EYS: variants seen among roughly 807,000 people sequenced by gnomAD.
EYS encodes protein eyes shut homolog.
A neutral mutation model predicts 282.1 loss-of-function variants in EYS; 250 were observed. The observed-to-expected ratio is 0.89, with a 90% CI of 0.80 to 0.98. The LOEUF (loss-of-function observed/expected upper bound fraction) is 0.98. EYS is among the 50% of genes least tolerant of loss of function. EYS has a pLI of 0.00. For missense variants in EYS, 4,016 were observed against 3,709.0 expected, an observed-to-expected ratio of 1.08 and a Z score of -2.15; for synonymous variants, 1,355 against 1,282.9, an observed-to-expected ratio of 1.06 and a Z score of -1.20.
At chr6:65,336,311 T>A (rs1769987818) in intron 10 of EYS, among the ~76,000 whole-genome samples, 1 of 151,740 alleles carries the variant, frequency 6.6e-6, no homozygotes, top group Non-Finnish European at 1.5e-5. Context: ...AATTTCAAGC[T>A]TTCATTTATT....
intron 12 of EYS, among the ~76,000 whole-genome samples, chr6:65,177,414 T>G (rs1765252551): frequency 6.6e-6 from 1 of 151,892 alleles, no homozygotes; most frequent in African/African-American, 2.4e-5. Context: ...ATAAATATTC[T>G]ATTTTATTAT....
chr6:64,337,561 T>C (rs966123878), intron 29 of EYS, among the ~76,000 whole-genome samples: 1 of 151,874 alleles, frequency 6.6e-6, no homozygotes, highest in Non-Finnish European at 1.5e-5. Context: ...CAAAGAAGCA[T>C]TGGTAACAAT....
intron 1 of EYS, among the ~76,000 whole-genome samples, chr6:65,699,972 G>T (rs986948007): frequency 6.6e-6 from 1 of 151,596 alleles, no homozygotes; most frequent in Non-Finnish European, 1.5e-5. Context: ...AAAATTAGCC[G>T]GGCGTGGTGG....
At chr6:65,052,322 T>C (rs1773296394) in intron 13 of EYS, among the ~76,000 whole-genome samples, 1 of 151,560 alleles carries the variant, frequency 6.6e-6, no homozygotes, top group Non-Finnish European at 1.5e-5. Flanking sequence ...ATTTATACTT[T>C]GAGGCAGTAT....
Position 65,334,998 on chromosome 6 carries a change from T to G in EYS, c.1748A>C (p.Asp583Ala), listed in dbSNP as rs113591099. The change falls in exon 11 of 43, where the codon GAT (aspartate) becomes GCT (alanine). Residue 583 changes from aspartate (D) to alanine (A), a missense_variant. Asp to Ala is a moderately radical substitution (Grantham distance 126). Transcript: ENST00000503581. ...TAAATACCTGGGTCTATTAATTTCA[T>G]CTTTACAAACAGCTTCATGTTGACA... ...NECQHEAVCK[D>A]EINRPRCSCS... 75 of 1,609,910 alleles carry G rather than the reference T, an allele frequency of 4.7e-5. No homozygotes were observed. In the African/African-American group the frequency reaches 7.9e-4, roughly 17 times the overall value.
chr6:64,978,807 C>T (rs1161865946), intron 14 of EYS, among the ~76,000 whole-genome samples: 3 of 151,846 alleles, frequency 2.0e-5, no homozygotes, highest in African/African-American at 7.2e-5. Flanking sequence ...GAGGATGGAA[C>T]TGCCAATGTG....
At chr6:64,802,023 C>CTTTTTTTTTTTTTTTTT (rs1199002175) in intron 22 of EYS, among the ~76,000 whole-genome samples, 5 of 70,780 alleles carry the variant, frequency 7.1e-5, no homozygotes, top group East Asian at 5.1e-4. Context: ...ATTTCTTTTT[C>CTTTTTTTTTTTTTTTTT]TTTTTTTTTC....
intron 26 of EYS, among the ~76,000 whole-genome samples, chr6:64,587,137 TG>T (rs1766258304): frequency 6.6e-6 from 1 of 152,054 alleles, no homozygotes; most frequent in African/African-American, 2.4e-5. Flanking sequence ...CTGATAGAGG[TG>T]GCTCCACGAT....
chr6:64,387,025 T>C (rs532657716), intron 29 of EYS, among the ~76,000 whole-genome samples: 1 of 152,294 alleles, frequency 6.6e-6, no homozygotes, highest in South Asian at 2.1e-4. Context: ...TTTTGCATTT[T>C]ACATAGGATT....
At chr6:64,112,138 T>C (rs1300250402) in intron 31 of EYS, among the ~76,000 whole-genome samples, 2 of 152,108 alleles carry the variant, frequency 1.3e-5, no homozygotes, top group Middle Eastern at 3.2e-3. Flanking sequence ...AAATTACTAA[T>C]GAAAATGTTG....
At chr6:65,328,878 C>T (rs1463854052) in intron 11 of EYS, among the ~76,000 whole-genome samples, 1 of 151,168 alleles carries the variant, frequency 6.6e-6, no homozygotes, top group Non-Finnish European at 1.5e-5. Context: ...TGCTCAATTA[C>T]TGTTGCATTA....
intron 12 of EYS, among the ~76,000 whole-genome samples, chr6:65,207,097 T>C (rs1766054741): frequency 6.6e-6 from 1 of 151,744 alleles, no homozygotes; most frequent in African/African-American, 2.4e-5. Flanking sequence ...CTCTATTCAC[T>C]GATGGCATGG....
intron 15 of EYS, among the ~76,000 whole-genome samples, chr6:64,925,186 G>A (rs979189766): frequency 3.3e-5 from 5 of 152,128 alleles, no homozygotes; most frequent in Non-Finnish European, 7.4e-5. Context: ...AGAATAATGA[G>A]GAAGAAGCAA....
chr6:64,190,176 A>G (rs1442804780), intron 31 of EYS, among the ~76,000 whole-genome samples: 1 of 152,180 alleles, frequency 6.6e-6, no homozygotes, highest in Non-Finnish European at 1.5e-5. Flanking sequence ...ACGCTAGAGA[A>G]CCATCTAGTA....
intron 30 of EYS, among the ~76,000 whole-genome samples, chr6:64,306,270 G>A (rs987514355): frequency 6.6e-6 from 1 of 152,132 alleles, no homozygotes; most frequent in Non-Finnish European, 1.5e-5. Context: ...CATTGATTAA[G>A]ATGTGAGCTT....
At chr6:64,000,244 T>G (rs906983733) in intron 33 of EYS, among the ~76,000 whole-genome samples, 3 of 126,458 alleles carry the variant, frequency 2.4e-5, no homozygotes, top group African/African-American at 9.1e-5. Flanking sequence ...CAGGCTGGAG[T>G]GCAGTGGCGC....
At chr6:64,318,948 T>C (rs1770091137) in intron 29 of EYS, among the ~76,000 whole-genome samples, 1 of 151,958 alleles carries the variant, frequency 6.6e-6, no homozygotes, top group South Asian at 2.1e-4. Flanking sequence ...ATCTAAAAGA[T>C]ACAACCAATT....
At chr6:65,677,020 T>C (rs1768629247) in intron 1 of EYS, among the ~76,000 whole-genome samples, 1 of 122,510 alleles carries the variant, frequency 8.2e-6, no homozygotes, top group Non-Finnish European at 1.8e-5. Context: ...ATTAAAAAAA[T>C]TAAAAAAACT....
chr6:65,289,534 T>G (rs1768464486), intron 12 of EYS, among the ~76,000 whole-genome samples: 1 of 151,084 alleles, frequency 6.6e-6, no homozygotes, highest in Non-Finnish European at 1.5e-5. Context: ...ATTCAGATAA[T>G]TCTTACCCCC....
Sources: gnomAD v4.1 joint callset for allele counts (sites outside exome capture counted in the v4.1 genomes callset) on GRCh38, gnomAD v4.1.1 for gene constraint, MANE v1.5 for transcripts, NCBI Gene and HGNC (gene_info 2026-07-23, HGNC 2026-07-21) for gene names.